EYS: variants seen among roughly 807,000 people sequenced by gnomAD.
EYS encodes protein eyes shut homolog.
A neutral mutation model predicts 282.1 loss-of-function variants in EYS; 250 were observed. The observed-to-expected ratio is 0.89, with a 90% CI of 0.80 to 0.98. EYS has a LOEUF of 0.98. Ranked by LOEUF, EYS falls within the 50% of genes least tolerant of loss-of-function variation. The probability of loss-of-function intolerance (pLI) is 0.00; values close to 1 mark genes in which losing one functional copy is unlikely to be tolerated. For missense variants in EYS, 4,016 were observed against 3,709.0 expected (o/e 1.08, Z -2.15); for synonymous variants, 1,355 against 1,282.9 (o/e 1.06, Z -1.20).
chr6:64,241,099 C>T (rs1262483190), intron 30 of EYS, among the ~76,000 whole-genome samples: 4 of 151,654 alleles, frequency 2.6e-5, no homozygotes, highest in East Asian at 3.9e-4. Context: ...GGGATGAAGC[C>T]GACTTGGTTG....
intron 22 of EYS, among the ~76,000 whole-genome samples, chr6:64,807,050 G>T (rs1405708228): frequency 6.6e-6 from 1 of 152,056 alleles, no homozygotes; most frequent in Non-Finnish European, 1.5e-5. Flanking sequence ...GCATTAAAAT[G>T]CTATTAAAGT....
At position 65,029,194 on chromosome 6, in the gene EYS, T is replaced by C. The variant is rs952003444; in HGVS notation, c.2137+28420A>G. Among the ~76,000 whole-genome samples, 227 of 152,238 alleles carry C rather than the reference T, an allele frequency of 1.5e-3. 2 individuals carry two copies. Among genetic ancestry groups the C allele is most frequent in the African/African-American group, 5.1e-3 (213 of 41,546 alleles). On this transcript the variant is annotated intron_variant, in intron 13 of 42. Coordinates refer to ENST00000503581, the MANE Select transcript of EYS (RefSeq NM_001142800.2). The stretch of plus-strand genomic sequence containing the variant: ...TGCTCTAGGCTTGAAATTTATCTTT[T>C]CTGTAAAAAGTATGGTTCCTTTAAG...
intron 28 of EYS, among the ~76,000 whole-genome samples, chr6:64,433,141 G>C (rs781127257): frequency 1.5e-4 from 23 of 151,874 alleles, no homozygotes; most frequent in Admixed American, 2.6e-4. Context: ...CGCTTTTTCT[G>C]AGATAGATCA....
At chr6:63,763,480 T>C (rs1214643217) in intron 40 of EYS, among the ~76,000 whole-genome samples, 2 of 152,034 alleles carry the variant, frequency 1.3e-5, no homozygotes, top group Non-Finnish European at 2.9e-5. Flanking sequence ...TGAATTGTAG[T>C]TGGCATAATC....
At chr6:65,482,918 AAAT>A (rs1292783352) in intron 5 of EYS, among the ~76,000 whole-genome samples, 1 of 152,220 alleles carries the variant, frequency 6.6e-6, no homozygotes, top group Non-Finnish European at 1.5e-5. Flanking sequence ...TTTCTACATC[AAAT>A]TCACACTTGA....
At chr6:63,900,861 C>T (rs140943328) in intron 35 of EYS, among the ~76,000 whole-genome samples, 5 of 152,146 alleles carry the variant, frequency 3.3e-5, no homozygotes, top group Non-Finnish European at 7.4e-5. Flanking sequence ...AGGAGACAGA[C>T]GTCATAAATT....
intron 41 of EYS, among the ~76,000 whole-genome samples, chr6:63,732,814 T>C (rs1768814346): frequency 6.6e-6 from 1 of 152,168 alleles, no homozygotes; most frequent in Non-Finnish European, 1.5e-5. Flanking sequence ...GACATAACAG[T>C]AAAACAAACA....
At chr6:65,492,427 G>T (rs1766083876) in intron 4 of EYS, among the ~76,000 whole-genome samples, 1 of 151,760 alleles carries the variant, frequency 6.6e-6, no homozygotes, top group Admixed American at 6.6e-5. Flanking sequence ...AATTGAGTAG[G>T]AAGCAAACCA....
At chr6:65,526,500 C>A (rs996683302) in intron 2 of EYS, among the ~76,000 whole-genome samples, 2 of 152,140 alleles carry the variant, frequency 1.3e-5, no homozygotes, top group African/African-American at 4.8e-5. Flanking sequence ...AAACACTGCT[C>A]CAACCTGTCT....
chr6:65,257,918 C>G (rs1277404134), intron 12 of EYS, among the ~76,000 whole-genome samples: 1 of 151,488 alleles, frequency 6.6e-6, no homozygotes, highest in East Asian at 1.9e-4. Context: ...TGAAAAAGAT[C>G]TAGTATTGAT....
chr6:64,447,698 A>G (rs565156326), intron 26 of EYS, among the ~76,000 whole-genome samples: 225 of 152,322 alleles, frequency 1.5e-3, no homozygotes, highest in African/African-American at 5.1e-3. Context: ...TAAGATTTGC[A>G]GAGACTCCTC....
At chr6:63,916,605 T>C (rs903409729) in intron 35 of EYS, among the ~76,000 whole-genome samples, 1 of 152,210 alleles carries the variant, frequency 6.6e-6, no homozygotes, top group African/African-American at 2.4e-5. Context: ...TTTTTAAAAA[T>C]ATATATTCTG....
chr6:63,857,685 A>G (rs890553603), intron 36 of EYS: 2 of 440,350 alleles, frequency 4.5e-6, no homozygotes, highest in Admixed American at 2.3e-5. Context: ...TTGTTTGCCA[A>G]TAAGTTTGAT....
intron 14 of EYS, among the ~76,000 whole-genome samples, chr6:64,969,949 G>A (rs1770231874): frequency 1.3e-5 from 2 of 152,064 alleles, no homozygotes; most frequent in African/African-American, 2.4e-5. Flanking sequence ...TCATACCAAT[G>A]ATTATAAAAT....
At chr6:64,121,654 C>T (rs9450852) in intron 31 of EYS, among the ~76,000 whole-genome samples, 1 of 152,302 alleles carries the variant, frequency 6.6e-6, no homozygotes, top group South Asian at 2.1e-4. Flanking sequence ...GAGCTATAGT[C>T]TCCTATCTCT....
At chr6:65,334,224 T>C (rs1339955690) in intron 11 of EYS, among the ~76,000 whole-genome samples, 1 of 151,828 alleles carries the variant, frequency 6.6e-6, no homozygotes, top group Non-Finnish European at 1.5e-5. Context: ...TACTAGTTTC[T>C]TTTATACTAA....
At chr6:65,660,856 C>T (rs553561467) in intron 1 of EYS, among the ~76,000 whole-genome samples, 2 of 151,806 alleles carry the variant, frequency 1.3e-5, no homozygotes, top group East Asian at 3.9e-4. Flanking sequence ...CTCATAGTGT[C>T]CTTCTTTTAT....
chr6:64,078,867 C>T (rs1243631090), intron 32 of EYS, among the ~76,000 whole-genome samples: 1 of 152,040 alleles, frequency 6.6e-6, no homozygotes, highest in African/African-American at 2.4e-5. Context: ...GCATGTATTT[C>T]TCTGGCCTTC....
In EYS at chr6:65,353,545, G is replaced by A. The variant is rs760342117; in HGVS notation, c.1372C>T (p.Leu458Phe). 6.2e-7 allele frequency: 1 copy of A among 1,613,038 alleles called. No individual in the cohort carries two copies. Among genetic ancestry groups the A allele is most frequent in the South Asian group, 1.1e-5 (1 of 91,064 alleles). ...TGGAAGGTGACTCCACAGTAGCAGA[G>A]GTGTTGATGAATTAGGTAAACATTC... ...LKNVYLIHQH[L>F]CYCGVTFHGI... Residue 458 changes from leucine (L) to phenylalanine (F), a missense_variant, in exon 9 of 43, where the codon CTC (leucine) becomes TTC (phenylalanine). Physicochemically the swap from Leu to Phe is conservative, Grantham distance 22. Transcript: ENST00000503581.
Sources: gnomAD v4.1 joint callset for allele counts (sites outside exome capture counted in the v4.1 genomes callset) on GRCh38, gnomAD v4.1.1 for gene constraint, MANE v1.5 for transcripts, NCBI Gene and HGNC (gene_info 2026-07-23, HGNC 2026-07-21) for gene names.